Variants in VANGL2 observed in about 807,000 individuals in gnomAD.
VANGL2 encodes vang-like protein 2.
In VANGL2, 14 loss-of-function variants were observed where a neutral mutation model predicts 50.2. The ratio of observed to expected loss-of-function variants is 0.28; its 90% CI spans 0.18 to 0.44. VANGL2 has a LOEUF of 0.44. VANGL2 is among the 20% of genes least tolerant of loss of function. VANGL2 has a pLI of 1.00. For missense variants in VANGL2, 533 were observed against 701.5 expected (o/e 0.76, Z 2.71); for synonymous variants, 295 against 297.2 (o/e 0.99, Z 0.08).
Position 160,425,521 on chromosome 1 carries a change from T to C in VANGL2, c.*143T>C. 1.3e-6 allele frequency: 1 copy of C among 774,330 alleles called. No individual in the cohort carries two copies. The highest frequency in any genetic ancestry group is 2.0e-6 in the Non-Finnish European group (1 of 497,692). 48.0% of individuals were successfully genotyped at this position (774,330 alleles called of 1,614,324 possible). A position where few individuals can be genotyped will look rare whatever the true frequency, so the allele number is the denominator to read the frequency against. On this transcript the variant is annotated 3_prime_UTR_variant, in exon 8 of 8. Transcript: ENST00000368061. ...TACTTGAATTAACGCACCCCCACCT[T>C]CTCTCCTCGCTTCTTCCTTATTTTA...
chr1:160,420,782 G>T (rs538411966), intron 5 of VANGL2, among the ~76,000 whole-genome samples: 1 of 152,192 alleles, frequency 6.6e-6, no homozygotes, highest in South Asian at 2.1e-4. Flanking sequence ...TCTCTCATCA[G>T]CCCTGGTCTA....
intron 3 of VANGL2, among the ~76,000 whole-genome samples, chr1:160,416,642 G>T (rs1651071181): frequency 6.6e-6 from 1 of 152,148 alleles, no homozygotes; most frequent in South Asian, 2.1e-4. Context: ...TGGGAAAGGA[G>T]TATGGGAAGA....
chr1:160,408,309 A>G (rs151332870), intron 1 of VANGL2, among the ~76,000 whole-genome samples: 16 of 151,966 alleles, frequency 1.1e-4, no homozygotes, highest in Admixed American at 2.6e-4. Context: ...ATGGGTGGGT[A>G]TTTTGGTGTG....
At position 160,419,799 on chromosome 1, in the gene VANGL2, A is replaced by G. The variant is rs1305197452; in HGVS notation, c.800+190A>G. 6.6e-6 allele frequency among the ~76,000 whole-genome samples: 1 copy of G among 151,546 alleles called. No homozygotes were observed. The highest frequency in any genetic ancestry group is 1.5e-5 in the Non-Finnish European group (1 of 67,946). On this transcript the variant is annotated intron_variant, in intron 4 of 7. Transcript: ENST00000368061. This position sits in a 1 kb window ranked among gnomAD's most constrained non-coding sequence, Gnocchi z 5.8. Reference sequence around the variant, plus strand: ...TGCTGCTTGATAGGCAGGTTCATGTACACGGTCTTGGGGCAAGATCAGTTG... The same window carrying G: ...TGCTGCTTGATAGGCAGGTTCATGTGCACGGTCTTGGGGCAAGATCAGTTG...
chr1:160,412,342 CACCCCCTTCTCT>C (rs1462645197), intron 1 of VANGL2, among the ~76,000 whole-genome samples: 1 of 151,952 alleles, frequency 6.6e-6, no homozygotes, highest in Non-Finnish European at 1.5e-5. Context: ...TTTACTTCTC[CACCCCCTTCTCT>C]ACCCCCATGT....
Position 160,415,906 on chromosome 1 carries a change from C to T in VANGL2, c.69C>T (p.His23=). ...KSGHSRSSRK[H]RDRRDRHRSK... ...GCCACTCCCGCAGCTCCCGCAAGCA[C>T]AGGTGGGCAGGCATGCAGGGTGACA... Residue 23 remains histidine, a splice_region_variant and synonymous_variant, in exon 2 of 8, where the codon CAC becomes CAT. Coordinates refer to ENST00000368061, the MANE Select transcript of VANGL2 (RefSeq NM_020335.3). The T allele has an allele frequency of 6.2e-7, 1 of 1,614,188 alleles. No individual in the cohort carries two copies. The highest frequency in any genetic ancestry group is 1.6e-4 in the Middle Eastern group (1 of 6,062).
chr1:160,425,231 G>A lies in VANGL2; in HGVS notation c.1419G>A (p.Lys473=). Residue 473 remains lysine, a synonymous_variant, in exon 8 of 8, where the codon AAG becomes AAA. Coordinates refer to ENST00000368061, the MANE Select transcript of VANGL2 (RefSeq NM_020335.3). ...AGGAGCCGGTGACCAACGGCCTCAA[G>A]GATGGCATCGTTTTCCTCTTAAAAC... ...VSEEPVTNGL[K]DGIVFLLKRQ... is the part of the protein sequence containing the mutation. The A allele has an allele frequency of 6.2e-7, 1 of 1,614,156 alleles. No individual in the cohort carries two copies. Among genetic ancestry groups the A allele is most frequent in the South Asian group, 1.1e-5 (1 of 91,090 alleles).
At chr1:160,424,027 G>T (rs1651362282) in intron 6 of VANGL2, 25 bp from the exon 7 acceptor site, 1 of 1,612,456 alleles carries the variant, frequency 6.2e-7, no homozygotes, top group Non-Finnish European at 8.5e-7. Context: ...GTGGGCATCT[G>T]GCCCAGTCCC....
At chr1:160,411,905 T>G (rs1181991859) in intron 1 of VANGL2, among the ~76,000 whole-genome samples, 1 of 152,006 alleles carries the variant, frequency 6.6e-6, no homozygotes, top group Non-Finnish European at 1.5e-5. Context: ...CTTTATTTAG[T>G]TGTACTAACA....
rs772529847 is a variant in VANGL2, at chr1:160,419,244, C to T, written c.435C>T (p.Cys145=). 8.1e-6 allele frequency: 13 copies of T among 1,608,586 alleles called. No individual in the cohort carries two copies. The highest frequency in any genetic ancestry group is 6.7e-5 in the East Asian group (3 of 44,880). ...AGCTGGAGCCTTGCGGGACGGCCTG[C>T]GAGGGCCTCTTCATCTCTGTCGCCT... ...REELEPCGTA[C]EGLFISVAFK... The change falls in exon 4 of 8, where the codon TGC becomes TGT. Residue 145 remains cysteine (C), a synonymous_variant. Coordinates refer to ENST00000368061, the MANE Select transcript of VANGL2 (RefSeq NM_020335.3). This position sits in a 1 kb window ranked among gnomAD's most constrained non-coding sequence, Gnocchi z 5.8.
intron 1 of VANGL2, among the ~76,000 whole-genome samples, chr1:160,408,673 G>T (rs749466391): frequency 2.0e-5 from 3 of 152,126 alleles, no homozygotes; most frequent in Non-Finnish European, 4.4e-5. Flanking sequence ...AGAATGCCTG[G>T]TTAACAGGGC....
chr1:160,407,994 A>G (rs1361335442), intron 1 of VANGL2, among the ~76,000 whole-genome samples: 4 of 152,150 alleles, frequency 2.6e-5, no homozygotes, highest in African/African-American at 9.7e-5. Context: ...TGCCAGGGGC[A>G]TTACTCACCT....
At chr1:160,417,091 T>C (rs1227683561) in intron 3 of VANGL2, among the ~76,000 whole-genome samples, 1 of 151,944 alleles carries the variant, frequency 6.6e-6, no homozygotes, top group Non-Finnish European at 1.5e-5. Context: ...GGGGAGGAGA[T>C]CCCAAGCCCT....
At chr1:160,424,876 C>T (rs1053166789) in intron 7 of VANGL2, among the ~76,000 whole-genome samples, 1 of 152,052 alleles carries the variant, frequency 6.6e-6, no homozygotes, top group Non-Finnish European at 1.5e-5. Flanking sequence ...TCAGGGGAGC[C>T]GAGTTCAGTC....
Position 160,415,908 on chromosome 1 carries a change from G to A in VANGL2, c.71G>A (p.Arg24Lys). 1 of 1,614,188 alleles carries A rather than the reference G, an allele frequency of 6.2e-7. No individual in the cohort carries two copies. Among genetic ancestry groups the A allele is most frequent in the East Asian group, 2.2e-5 (1 of 44,876 alleles). Residue 24 changes from arginine to lysine, a missense_variant and splice_region_variant, in exon 2 of 8, where the codon AGG becomes AAG. Coordinates refer to ENST00000368061, the MANE Select transcript of VANGL2 (RefSeq NM_020335.3). ...CACTCCCGCAGCTCCCGCAAGCACA[G>A]GTGGGCAGGCATGCAGGGTGACATG... ...SGHSRSSRKH[R>K]DRRDRHRSKS...
chr1:160,404,509 C>A (rs1650586278), intron 1 of VANGL2, among the ~76,000 whole-genome samples: 1 of 152,160 alleles, frequency 6.6e-6, no homozygotes, highest in African/African-American at 2.4e-5. Flanking sequence ...TGTCTAGTCC[C>A]CAAACATTTG....
rs554260939 is a variant in VANGL2, at chr1:160,408,748, C to T, written c.-190-6900C>T. 6.8e-4 allele frequency among the ~76,000 whole-genome samples: 104 copies of T among 152,344 alleles called. 1 individual carries two copies. Among genetic ancestry groups the T allele is most frequent in the African/African-American group, 2.4e-3 (101 of 41,584 alleles). On this transcript the variant is annotated intron_variant, in intron 1 of 7. Transcript: ENST00000368061. ...TCTGCCCTTCCCACCCCTCAGCCCA[C>T]CAAGATACAGCTGTTCTCTCTGGCC...
At chr1:160,407,999 T>C (rs925198318) in intron 1 of VANGL2, among the ~76,000 whole-genome samples, 2 of 152,226 alleles carry the variant, frequency 1.3e-5, no homozygotes, top group African/African-American at 4.8e-5. Context: ...GGGGCATTAC[T>C]CACCTTTTCT....
At chr1:160,416,209 G>T in intron 3 of VANGL2, 27 bp downstream of exon 3, 1 of 1,613,766 alleles carries the variant, frequency 6.2e-7, no homozygotes, top group South Asian at 1.1e-5. Context: ...CGGTGGTCCA[G>T]ACCGGGCATT....
Sources: gnomAD v4.1 joint callset for allele counts (sites outside exome capture counted in the v4.1 genomes callset) on GRCh38, gnomAD v4.1.1 for gene constraint, Gnocchi (gnomAD v3.1) non-coding constraint, MANE v1.5 for transcripts, NCBI Gene and HGNC (gene_info 2026-07-23, HGNC 2026-07-21) for gene names.